The following RASSF3 variants were observed in gnomAD, a reference collection of about 807,000 sequenced individuals.
The protein encoded by RASSF3 is Ras association domain family member 3.
In RASSF3, 19 loss-of-function variants were observed where a neutral mutation model predicts 19.9. The ratio of observed to expected loss-of-function variants is 0.96; its 90% confidence interval spans 0.67 to 1.40. RASSF3 has a LOEUF of 1.40. Among genes scored for constraint, RASSF3 ranks in the 40% most tolerant of loss-of-function variants. The probability of loss-of-function intolerance (pLI) is 0.00; values close to 1 mark genes in which losing one functional copy is unlikely to be tolerated. For missense variants in RASSF3, 306 were observed against 289.8 expected, an observed-to-expected ratio of 1.06 and a Z score of -0.41; for synonymous variants, 110 against 104.2, an observed-to-expected ratio of 1.06 and a Z score of -0.34.
chr12:64,508,980 C>T (rs1782032540), intron 1 of RASSF3, among the ~76,000 whole-genome samples: 1 of 151,670 alleles, frequency 6.6e-6, no homozygotes, highest in African/African-American at 2.4e-5. Context: ...TTTCAATCTT[C>T]CATTTTTTCT....
chr12:64,673,394 C>G (rs991483427), intron 1 of RASSF3, among the ~76,000 whole-genome samples: 9 of 152,126 alleles, frequency 5.9e-5, no homozygotes, highest in Admixed American at 5.9e-4. Flanking sequence ...AGTGAACTTA[C>G]TTTGTATTTA....
Position 64,520,555 on chromosome 12 carries a change from C to CACATATATAT in RASSF3, c.169+13227_169+13228insCATATATATA, listed in dbSNP as rs1435123674. ...ACACACACAGATACACACATACACA[C>CACATATATAT]ATATATATATATATATATATATATA... On this transcript the variant is annotated intron_variant, in intron 1 of 5. Coordinates refer to the RASSF3 transcript ENST00000637125. Among the ~76,000 whole-genome samples, 397 of 85,898 alleles carry CACATATATAT rather than the reference C, an allele frequency of 4.6e-3. 5 individuals are homozygous for CACATATATAT. The highest frequency in any genetic ancestry group is 0.01 in the East Asian group (22 of 2,188). 56.4% of individuals were successfully genotyped at this position (85,898 alleles called of 152,430 possible). A position where few individuals can be genotyped will look rare whatever the true frequency, so the allele number is the denominator to read the frequency against.
intron 1 of RASSF3, among the ~76,000 whole-genome samples, chr12:64,671,509 G>GC (rs572041459): frequency 1.3e-5 from 2 of 152,206 alleles, no homozygotes; most frequent in Non-Finnish European, 2.9e-5. Flanking sequence ...CTGCAACCAA[G>GC]CAGGAGGACG....
chr12:64,660,062 ATG>A (rs1555214887), intron 1 of RASSF3, among the ~76,000 whole-genome samples: 1 of 149,382 alleles, frequency 6.7e-6, no homozygotes, highest in Non-Finnish European at 1.5e-5. Flanking sequence ...GTATATATAT[ATG>A]TGTGTGTGTA....
At chr12:64,560,611 A>G (rs1237345564) in intron 2 of RASSF3, among the ~76,000 whole-genome samples, 2 of 152,236 alleles carry the variant, frequency 1.3e-5, no homozygotes, top group African/African-American at 4.8e-5. Context: ...TATATCATTC[A>G]GGGTAGCATC....
Position 64,585,388 on chromosome 12 carries a change from A to C in RASSF3, c.294+43683A>C, listed in dbSNP as rs1869777504. On this transcript the variant is annotated intron_variant, in intron 2 of 5. Coordinates refer to the RASSF3 transcript ENST00000637125. ...GTCACCAAAGGGGATTTCTTGGGCAATCATTGAAAAATCCAAGACCATAAA... is the reference window on the plus strand; with the variant it reads ...GTCACCAAAGGGGATTTCTTGGGCACTCATTGAAAAATCCAAGACCATAAA... 2.6e-5 allele frequency among the ~76,000 whole-genome samples: 4 copies of C among 152,260 alleles called. No homozygotes were observed. The South Asian group carries it at 8.3e-4, about 32-fold the overall frequency.
At chr12:64,634,429 A>T (rs114872862) in intron 1 of RASSF3, among the ~76,000 whole-genome samples, 2 of 151,678 alleles carry the variant, frequency 1.3e-5, no homozygotes, top group Non-Finnish European at 2.9e-5. Context: ...CAGCCTCCCA[A>T]CTGGGATTAC....
chr12:64,666,675 A>G (rs1872546280), intron 1 of RASSF3, among the ~76,000 whole-genome samples: 1 of 152,042 alleles, frequency 6.6e-6, no homozygotes, highest in Non-Finnish European at 1.5e-5. Context: ...CCTACAGGGA[A>G]CCTTCCCAAG....
In RASSF3 at chr12:64,640,977, G is replaced by A. The variant is rs1036632871; in HGVS notation, c.111+30234G>A. 4.6e-5 allele frequency among the ~76,000 whole-genome samples: 7 copies of A among 151,994 alleles called. No homozygotes were observed. The South Asian group carries it at 1.0e-3, about 23-fold the overall frequency. Reference sequence around the variant, plus strand: ...CTCAGCCTAGGATTTTCTTTTTAAAGGTGAAATAATATTCTAATGTATATA... The same window carrying A: ...CTCAGCCTAGGATTTTCTTTTTAAAAGTGAAATAATATTCTAATGTATATA... On this transcript the variant is annotated intron_variant, in intron 1 of 4. Transcript: ENST00000542104.
chr12:64,563,542 A>G (rs1299318399), intron 2 of RASSF3, among the ~76,000 whole-genome samples: 3 of 152,178 alleles, frequency 2.0e-5, no homozygotes, highest in Non-Finnish European at 4.4e-5. Context: ...TAAAATCCAC[A>G]TGCTTTACCA....
At chr12:64,515,799 A>G (rs559519982) in intron 1 of RASSF3, among the ~76,000 whole-genome samples, 1 of 152,276 alleles carries the variant, frequency 6.6e-6, no homozygotes, top group East Asian at 1.9e-4. Flanking sequence ...AGCTGGGATT[A>G]CAAGCAAGAG....
intron 1 of RASSF3, among the ~76,000 whole-genome samples, chr12:64,651,310 C>A (rs575266931): frequency 2.6e-5 from 4 of 152,096 alleles, no homozygotes; most frequent in Non-Finnish European, 5.9e-5. Flanking sequence ...CCTGGAGATG[C>A]GTATGTTAAC....
chr12:64,688,089 G>A, intron 2 of RASSF3, 127 bp from the exon 3 acceptor site: 1 of 747,900 alleles, frequency 1.3e-6, no homozygotes, highest in Non-Finnish European at 2.3e-6. Context: ...CTTTAGTGAA[G>A]TTCTGCCACA....
chr12:64,682,287 G>A (rs1056619002), intron 1 of RASSF3, among the ~76,000 whole-genome samples: 1 of 152,110 alleles, frequency 6.6e-6, no homozygotes, highest in East Asian at 1.9e-4. Context: ...GATAGGCCGG[G>A]CGCCACGAGA....
At chr12:64,511,482 AAAAAC>A (rs955257240) in intron 1 of RASSF3, among the ~76,000 whole-genome samples, 2 of 152,092 alleles carry the variant, frequency 1.3e-5, no homozygotes, top group African/African-American at 2.4e-5. Flanking sequence ...ACTCTGTCTC[AAAAAC>A]AAAACAAAAC....
At chr12:64,591,644 T>C (rs968775441) in intron 2 of RASSF3, among the ~76,000 whole-genome samples, 5 of 152,208 alleles carry the variant, frequency 3.3e-5, no homozygotes, top group African/African-American at 1.2e-4. Flanking sequence ...CAAGATATAT[T>C]TCCTTTTTTA....
At position 64,647,635 on chromosome 12, in the gene RASSF3, A is replaced by T. The variant is rs979796402; in HGVS notation, c.111+36892A>T. Among the ~76,000 whole-genome samples, 10 of 151,960 alleles carry T rather than the reference A, an allele frequency of 6.6e-5. No homozygotes were observed. In the East Asian group the frequency reaches 1.4e-3, roughly 21 times the overall value. On this transcript the variant is annotated intron_variant, in intron 1 of 4. Transcript: ENST00000542104. ...ACCATGTTGGCCAGGCTGGTCTCGAATTCCTGACCTCATGATTTGCCCACC... is the reference window on the plus strand; with the variant it reads ...ACCATGTTGGCCAGGCTGGTCTCGATTTCCTGACCTCATGATTTGCCCACC...
intron 2 of RASSF3, among the ~76,000 whole-genome samples, chr12:64,579,595 C>T (rs1009766359): frequency 3.9e-5 from 6 of 152,052 alleles, no homozygotes; most frequent in African/African-American, 1.4e-4. Flanking sequence ...TTGTGATCCG[C>T]CTGCCTTGGC....
intron 2 of RASSF3, among the ~76,000 whole-genome samples, chr12:64,559,143 CA>C (rs1869303141): frequency 2.0e-5 from 3 of 152,168 alleles, no homozygotes; most frequent in Non-Finnish European, 4.4e-5. Flanking sequence ...GGAGGAGGGC[CA>C]CCACTGCTTA....
Sources: gnomAD v4.1 joint callset for allele counts (sites outside exome capture counted in the v4.1 genomes callset) on GRCh38, gnomAD v4.1.1 for gene constraint, MANE v1.5 for transcripts, NCBI Gene and HGNC (gene_info 2026-07-23, HGNC 2026-07-21) for gene names.